Variants in PUS10 observed in about 807,000 individuals in gnomAD.
PUS10 encodes pseudouridine synthase 10, also known as tRNA pseudouridine synthase Pus10.
In PUS10, 59 loss-of-function variants were observed where a neutral mutation model predicts 75.0. The ratio of observed to expected loss-of-function variants is 0.79; its 90% CI spans 0.64 to 0.98. The LOEUF is 0.98. Among genes scored for constraint, PUS10 ranks in the 50% least tolerant of loss-of-function variants. The pLI is 0.00. For missense variants in PUS10, 650 were observed against 614.4 expected (o/e 1.06, Z -0.61); for synonymous variants, 219 against 211.6 (o/e 1.03, Z -0.30).
At position 61,009,110 on chromosome 2, in the gene PUS10, G is replaced by A. The variant is rs950509002; in HGVS notation, c.127-95C>T. Reference sequence around the variant, plus strand: ...AACAAGAAAACATGAGTGAAAATTAGGACATATCACAAATTTTACAATGTT... The same window carrying A: ...AACAAGAAAACATGAGTGAAAATTAAGACATATCACAAATTTTACAATGTT... On this transcript the variant is annotated intron_variant, in intron 2 of 17. Coordinates refer to ENST00000316752, the MANE Select transcript of PUS10 (RefSeq NM_144709.4). 20 of 1,105,670 alleles carry A rather than the reference G, an allele frequency of 1.8e-5. No individual in the cohort carries two copies. In the South Asian group the frequency reaches 2.5e-4, roughly 14 times the overall value. The allele number at this position is 1,105,670 out of a possible 1,614,324, so 68.5% of individuals were successfully genotyped here. A position where few individuals can be genotyped will look rare whatever the true frequency, so the allele number is the denominator to read the frequency against.
chr2:61,015,985 C>T (rs941282861), intron 1 of PUS10, among the ~76,000 whole-genome samples: 13 of 152,164 alleles, frequency 8.5e-5, no homozygotes, highest in African/African-American at 2.4e-5. Flanking sequence ...AAGAAATACA[C>T]CCTCTTCCAA....
At chr2:60,981,537 C>T (rs1239221255) in intron 4 of PUS10, among the ~76,000 whole-genome samples, 3 of 152,248 alleles carry the variant, frequency 2.0e-5, no homozygotes, top group Non-Finnish European at 2.9e-5. Flanking sequence ...CTGCCTTGGC[C>T]TCCCAAAGTG....
At chr2:60,981,004 C>T (rs1677355040) in intron 4 of PUS10, among the ~76,000 whole-genome samples, 1 of 152,066 alleles carries the variant, frequency 6.6e-6, no homozygotes, top group Non-Finnish European at 1.5e-5. Flanking sequence ...GATTCTCCTG[C>T]CTCAGCCTCC....
chr2:60,980,007 G>T (rs534299699), intron 4 of PUS10, among the ~76,000 whole-genome samples: 2 of 152,156 alleles, frequency 1.3e-5, no homozygotes, highest in Non-Finnish European at 2.9e-5. Context: ...AGAAATGAAG[G>T]ATTTGATTGG....
chr2:60,967,384 A>C, intron 6 of PUS10, 118 bp downstream of exon 6: 1 of 651,896 alleles, frequency 1.5e-6, no homozygotes, highest in Non-Finnish European at 2.7e-6. Flanking sequence ...AAAGCTTAAA[A>C]AATCCTTCAC....
intron 4 of PUS10, among the ~76,000 whole-genome samples, chr2:60,979,014 C>G (rs1677212361): frequency 6.6e-6 from 1 of 152,090 alleles, no homozygotes; most frequent in Non-Finnish European, 1.5e-5. Context: ...TAAATATAGA[C>G]TGAGAATAAT....
chr2:60,990,423 T>C (rs369850734), intron 4 of PUS10, among the ~76,000 whole-genome samples: 2 of 152,200 alleles, frequency 1.3e-5, no homozygotes, highest in East Asian at 1.9e-4. Flanking sequence ...GAGCAGCTTT[T>C]CCCTAAGGGG....
chr2:60,966,929 A>G (rs1676374541), intron 6 of PUS10: 1 of 152,336 alleles, frequency 6.6e-6, no homozygotes, highest in Non-Finnish European at 1.5e-5. Context: ...TCACACCTGG[A>G]AGCCTGTTGA....
intron 4 of PUS10, among the ~76,000 whole-genome samples, chr2:60,998,028 G>T (rs895767184): frequency 1.3e-5 from 2 of 152,110 alleles, no homozygotes; most frequent in African/African-American, 4.8e-5. Context: ...CGGAGTTAAT[G>T]AACAAAGATG....
At chr2:60,960,107 G>A (rs1189791388) in intron 11 of PUS10, among the ~76,000 whole-genome samples, 1 of 148,836 alleles carries the variant, frequency 6.7e-6, no homozygotes, top group African/African-American at 2.5e-5. Context: ...GCTTGAGCCT[G>A]GGAGATTGAG....
intron 11 of PUS10, among the ~76,000 whole-genome samples, chr2:60,956,801 T>C (rs532881198): frequency 4.1e-4 from 62 of 151,606 alleles, no homozygotes; most frequent in Admixed American, 9.8e-4. Context: ...TGGTGAAACC[T>C]GTCTCTACTA....
At chr2:60,978,332 G>C (rs1677167369) in intron 4 of PUS10, among the ~76,000 whole-genome samples, 1 of 148,828 alleles carries the variant, frequency 6.7e-6, no homozygotes, top group African/African-American at 2.5e-5. Context: ...TGAGGCAGGA[G>C]AATCGCTTGA....
chr2:60,991,930 CAA>C (rs1299544795), intron 4 of PUS10, among the ~76,000 whole-genome samples: 1 of 151,800 alleles, frequency 6.6e-6, no homozygotes, highest in Non-Finnish European at 1.5e-5. Context: ...GGGGCCAGAC[CAA>C]TAAAGCAGTA....
At chr2:60,998,925 G>A (rs1678662434) in intron 4 of PUS10, 1 of 152,138 alleles carries the variant, frequency 6.6e-6, no homozygotes, top group Non-Finnish European at 1.5e-5. Flanking sequence ...CAGATATAAA[G>A]TATAATAAAT....
rs186874245 is a variant in PUS10, at chr2:60,961,754, A to G, written c.789-206T>C. Among the ~76,000 whole-genome samples the G allele has an allele frequency of 9.8e-5, 15 of 152,322 alleles. No individual in the cohort carries two copies. The East Asian group carries it at 2.9e-3, about 29-fold the overall frequency. ...CTAAGTAAATAAGGGCTCTGCTGCT[A>G]CCTTTCACCTTCGGGAGGACTTATC... On this transcript the variant is annotated intron_variant, in intron 9 of 17. Coordinates refer to ENST00000316752, the MANE Select transcript of PUS10 (RefSeq NM_144709.4).
chr2:60,997,229 C>T lies in PUS10; in HGVS notation c.468+9328G>A, dbSNP rs1479909956. On this transcript the variant is annotated intron_variant, in intron 4 of 17. Coordinates refer to ENST00000316752, the MANE Select transcript of PUS10 (RefSeq NM_144709.4). ...AAAACTAGCAAGGTTACTATACACT[C>T]GCCAACCCACTCATAAAAAGTCTAT... Among the ~76,000 whole-genome samples, 7 of 152,276 alleles carry T rather than the reference C, an allele frequency of 4.6e-5. No individual in the cohort carries two copies. In the East Asian group the frequency reaches 1.2e-3, roughly 25 times the overall value.
intron 1 of PUS10, among the ~76,000 whole-genome samples, chr2:61,013,727 A>G (rs1189843811): frequency 6.6e-6 from 1 of 152,174 alleles, no homozygotes; most frequent in Non-Finnish European, 1.5e-5. Context: ...GCGGCCAACT[A>G]TTTAAAACAA....
At chr2:61,008,139 G>T (rs1467260257) in intron 3 of PUS10, among the ~76,000 whole-genome samples, 1 of 152,056 alleles carries the variant, frequency 6.6e-6, no homozygotes, top group African/African-American at 2.4e-5. Flanking sequence ...TCTAATCCCA[G>T]TACTTTGGAG....
chr2:60,996,714 T>G (rs1678488553), intron 4 of PUS10, among the ~76,000 whole-genome samples: 1 of 152,182 alleles, frequency 6.6e-6, no homozygotes. Context: ...GCCTTGGTTT[T>G]CTCCTCTTTA....
Sources: gnomAD v4.1 joint callset for allele counts (sites outside exome capture counted in the v4.1 genomes callset) on GRCh38, gnomAD v4.1.1 for gene constraint, MANE v1.5 for transcripts, NCBI Gene and HGNC (gene_info 2026-07-23, HGNC 2026-07-21) for gene names.